The following NTM variants were observed in gnomAD, a reference collection of about 807,000 sequenced individuals.
NTM encodes the protein neurotrimin.
In NTM, 13 loss-of-function variants were observed where a neutral mutation model predicts 42.1. The ratio of observed to expected loss-of-function variants is 0.31; its 90% confidence interval spans 0.20 to 0.49. NTM has a LOEUF of 0.49. Ranked by LOEUF, NTM falls within the 20% of genes least tolerant of loss-of-function variation. NTM has a pLI of 0.99. For missense variants in NTM, 373 were observed against 452.8 expected (o/e 0.82, Z 1.60); for synonymous variants, 187 against 179.2 (o/e 1.04, Z -0.35).
intron 4 of NTM, among the ~76,000 whole-genome samples, chr11:132,237,148 G>A (rs762391007): frequency 7.9e-5 from 12 of 152,208 alleles, no homozygotes; most frequent in Non-Finnish European, 1.2e-4. Flanking sequence ...GGAGCCATTT[G>A]CTCCTCAGCA....
Position 132,307,793 on chromosome 11 carries a change from G to C in NTM, c.631G>C (p.Val211Leu). 1 of 1,614,228 alleles carries C rather than the reference G, an allele frequency of 6.2e-7. No individual in the cohort carries two copies. ...CSASNDVAAP[V>L]VRRVKVTVNY... ...TGCCTCCAATGACGTGGCCGCGCCC[G>C]TGGTACGGAGAGTAAAGGTCACCGT... Residue 211 changes from valine to leucine, a missense_variant, in exon 5 of 9, where the codon GTG becomes CTG. This residue lies in a region of NTM where 312 missense variants were observed against 353.5 expected (regional missense o/e 0.88). Transcript: ENST00000683400.
At chr11:131,894,822 A>C (rs1374149745) in intron 1 of NTM, among the ~76,000 whole-genome samples, 1 of 152,118 alleles carries the variant, frequency 6.6e-6, no homozygotes, top group Non-Finnish European at 1.5e-5. Context: ...TACTAGTATG[A>C]TTGGTGTCAG....
At chr11:131,993,658 G>T (rs2067424257) in intron 2 of NTM, among the ~76,000 whole-genome samples, 1 of 152,090 alleles carries the variant, frequency 6.6e-6, no homozygotes, top group South Asian at 2.1e-4. Context: ...ATGAATTTCA[G>T]AGACATACAA....
chr11:131,566,817 C>T (rs1490479834), intron 1 of NTM, among the ~76,000 whole-genome samples: 1 of 152,132 alleles, frequency 6.6e-6, no homozygotes, highest in Non-Finnish European at 1.5e-5. Flanking sequence ...GAGTGAGAAA[C>T]AGAGACTTTT....
chr11:131,398,617 T>C (rs1944807005), intron 1 of NTM, among the ~76,000 whole-genome samples: 1 of 152,232 alleles, frequency 6.6e-6, no homozygotes. Flanking sequence ...TATGTTGTTC[T>C]AATTTTTTGC....
intron 4 of NTM, among the ~76,000 whole-genome samples, chr11:132,245,059 G>A (rs1264977715): frequency 6.6e-6 from 1 of 152,308 alleles, no homozygotes; most frequent in African/African-American, 2.4e-5. Flanking sequence ...GCCGTGAAAT[G>A]TTCTATCTGT....
intron 1 of NTM, among the ~76,000 whole-genome samples, chr11:131,592,502 G>A (rs1391261567): frequency 7.1e-6 from 1 of 141,530 alleles, no homozygotes; most frequent in Non-Finnish European, 1.5e-5. Context: ...GCCTTACAAA[G>A]CTTGGCATAT....
chr11:131,525,853 G>C (rs1226003003), intron 1 of NTM, among the ~76,000 whole-genome samples: 1 of 152,170 alleles, frequency 6.6e-6, no homozygotes, highest in African/African-American at 2.4e-5. Context: ...TAATGTGTGT[G>C]TGTGTGTGCA....
At chr11:131,643,479 C>G (rs2065391911) in intron 1 of NTM, among the ~76,000 whole-genome samples, 1 of 152,202 alleles carries the variant, frequency 6.6e-6, no homozygotes, top group African/African-American at 2.4e-5. Flanking sequence ...GCCCCTTCCT[C>G]AAGAGCTGGC....
intron 2 of NTM, among the ~76,000 whole-genome samples, chr11:132,032,567 C>T (rs2076059445): frequency 6.6e-6 from 1 of 152,208 alleles, no homozygotes; most frequent in African/African-American, 2.4e-5. Context: ...AGAGCCATCG[C>T]TCTTCCTCTG....
At chr11:132,112,544 G>C (rs1200347991) in intron 2 of NTM, among the ~76,000 whole-genome samples, 1 of 152,120 alleles carries the variant, frequency 6.6e-6, no homozygotes, top group Non-Finnish European at 1.5e-5. Context: ...CTCCCAGTGG[G>C]AGGGTGTGTA....
intron 2 of NTM, among the ~76,000 whole-genome samples, chr11:132,116,529 C>T (rs1479661326): frequency 3.9e-5 from 6 of 152,216 alleles, no homozygotes; most frequent in Admixed American, 2.0e-4. Flanking sequence ...CGCACCTCTT[C>T]TCTGGACTCT....
chr11:131,742,461 A>C (rs1053331279), intron 1 of NTM, among the ~76,000 whole-genome samples: 13 of 152,164 alleles, frequency 8.5e-5, no homozygotes, highest in African/African-American at 2.9e-4. Context: ...AGAAATCACC[A>C]ATACAGATAA....
At chr11:132,162,500 G>C (rs564614484) in intron 3 of NTM, among the ~76,000 whole-genome samples, 23 of 144,402 alleles carry the variant, frequency 1.6e-4, no homozygotes, top group African/African-American at 5.9e-4. Flanking sequence ...GGGGAGTGTG[G>C]ATGTGTGAGT....
rs940742457 is a variant in NTM, at chr11:132,003,369, C to A, written c.167+91721C>A. ...CAAATGATCCTCACACCTCAGCCTC[C>A]CTAGTAGCTGGGACCACAGGTGTGC... On this transcript the variant is annotated intron_variant, in intron 2 of 8. Coordinates refer to ENST00000683400, the MANE Select transcript of NTM (RefSeq NM_001352005.2). This position sits in a 1 kb window ranked among gnomAD's most constrained non-coding sequence, Gnocchi z 6.0. Among the ~76,000 whole-genome samples the A allele has an allele frequency of 1.1e-4, 17 of 151,976 alleles. No homozygotes were observed. Among genetic ancestry groups the A allele is most frequent in the Non-Finnish European group, 1.6e-4 (11 of 68,016 alleles).
intron 1 of NTM, among the ~76,000 whole-genome samples, chr11:131,692,898 T>C (rs571544019): frequency 6.6e-6 from 1 of 152,324 alleles, no homozygotes; most frequent in African/African-American, 2.4e-5. Flanking sequence ...TCAGGGTTAG[T>C]GTCAGATGCT....
intron 1 of NTM, among the ~76,000 whole-genome samples, chr11:131,886,182 T>C (rs2050360429): frequency 6.6e-6 from 1 of 152,242 alleles, no homozygotes. Context: ...CAGTTCACTC[T>C]GTCCTGGTTA....
chr11:132,029,086 T>G (rs115387481), intron 2 of NTM, among the ~76,000 whole-genome samples: 6,024 of 152,106 alleles, frequency 0.04, 168 homozygotes, highest in African/African-American at 0.072. Context: ...TTTGTTTTGT[T>G]TTTTTGCTAC....
At chr11:131,710,373 C>T (rs752132231) in intron 1 of NTM, among the ~76,000 whole-genome samples, 109 of 152,226 alleles carry the variant, frequency 7.2e-4, no homozygotes, top group Middle Eastern at 6.8e-3. Flanking sequence ...TGCCTCCGTC[C>T]CCACCAACAA....
Sources: allele counts gnomAD v4.1 joint callset (sites outside exome capture counted in the v4.1 genomes callset), GRCh38; gene constraint gnomAD v4.1.1; regional missense constraint gnomAD v4.1.1; non-coding constraint Gnocchi (gnomAD v3.1); transcripts MANE v1.5; gene names NCBI Gene and HGNC (gene_info 2026-07-23, HGNC 2026-07-21).